PLPP3: variants seen among roughly 807,000 people sequenced by gnomAD.
PLPP3 encodes PAP2 beta.
In PLPP3, 6 loss-of-function variants were observed where a neutral mutation model predicts 29.6. That is an observed-to-expected ratio of 0.20 (90% CI 0.11 to 0.40). PLPP3 has a LOEUF of 0.40. Among genes scored for constraint, PLPP3 ranks in the 10% least tolerant of loss-of-function variants. PLPP3 has a pLI of 1.00. For missense variants in PLPP3, 308 were observed against 407.7 expected (o/e 0.76, Z 2.11); for synonymous variants, 152 against 159.7 (o/e 0.95, Z 0.36).
At chr1:56,535,982 C>T (rs188238160) in intron 2 of PLPP3, among the ~76,000 whole-genome samples, 18 of 152,278 alleles carry the variant, frequency 1.2e-4, no homozygotes, top group African/African-American at 3.4e-4. Context: ...CACATAGCTA[C>T]GAGAGGCTCT....
chr1:56,528,860 G>T (rs1645869399), intron 2 of PLPP3, among the ~76,000 whole-genome samples: 1 of 149,130 alleles, frequency 6.7e-6, no homozygotes, highest in South Asian at 2.2e-4. Context: ...AGCAGATCAA[G>T]ACAGAAGCAA....
intron 1 of PLPP3, among the ~76,000 whole-genome samples, chr1:56,545,432 A>G (rs1645998077): frequency 6.6e-6 from 1 of 152,196 alleles, no homozygotes; most frequent in Non-Finnish European, 1.5e-5. Context: ...TCCAAAGCTC[A>G]TGCAAGTAGC....
At chr1:56,569,963 A>C (rs1460193955) in intron 1 of PLPP3, among the ~76,000 whole-genome samples, 2 of 152,018 alleles carry the variant, frequency 1.3e-5, no homozygotes, top group African/African-American at 4.8e-5. Flanking sequence ...ATCACTCTTC[A>C]CTGTGCTGCT....
At position 56,496,165 on chromosome 1, in the gene PLPP3, G is replaced by A. The variant is rs569052073; in HGVS notation, c.*386C>T. 2.2e-5 allele frequency: 4 copies of A among 180,108 alleles called. 1 individual carries two copies. The South Asian group carries it at 4.2e-4, about 19-fold the overall frequency. 11.2% of individuals were successfully genotyped at this position (180,108 alleles called of 1,614,324 possible). A position where few individuals can be genotyped will look rare whatever the true frequency, so the allele number is the denominator to read the frequency against. On this transcript the variant is annotated 3_prime_UTR_variant, in exon 6 of 6. Coordinates refer to ENST00000371250, the MANE Select transcript of PLPP3 (RefSeq NM_003713.5). ...GCAATGGCTATTTTCTTGATTCAGT[G>A]CTATTTCTGGCATCATGTGCTGCAA...
intron 2 of PLPP3, among the ~76,000 whole-genome samples, chr1:56,533,030 T>C (rs1645900684): frequency 6.6e-6 from 1 of 151,584 alleles, no homozygotes; most frequent in Admixed American, 6.6e-5. Context: ...CCTGGCCCCG[T>C]CTTCCAGCAA....
In PLPP3 at chr1:56,506,123, G is replaced by C. The variant is rs139564250; in HGVS notation, c.810+5853C>G. 2.0e-3 allele frequency among the ~76,000 whole-genome samples: 307 copies of C among 152,282 alleles called. 3 individuals are homozygous for C. The highest frequency in any genetic ancestry group is 2.5e-3 in the Non-Finnish European group (172 of 68,028). On this transcript the variant is annotated intron_variant, in intron 5 of 5. Transcript: ENST00000371250. ...ATTCCCCTGTGCCCAGGCAGCCCTG[G>C]AGTAAATCAGAAGGGAATAGATGGG...
At chr1:56,537,915 A>C (rs567195137) in intron 1 of PLPP3, among the ~76,000 whole-genome samples, 1 of 152,290 alleles carries the variant, frequency 6.6e-6, no homozygotes, top group South Asian at 2.1e-4. Flanking sequence ...TATTCTCTCA[A>C]AGGTCATGGC....
intron 1 of PLPP3, among the ~76,000 whole-genome samples, chr1:56,567,398 T>C (rs1443936872): frequency 5.6e-5 from 6 of 107,574 alleles, no homozygotes; most frequent in African/African-American, 1.7e-4. Flanking sequence ...TATTTCTTTT[T>C]TTTTTTTTTT....
At chr1:56,509,237 T>C (rs534741167) in intron 5 of PLPP3, among the ~76,000 whole-genome samples, 1 of 152,300 alleles carries the variant, frequency 6.6e-6, no homozygotes, top group South Asian at 2.1e-4. Flanking sequence ...CATCTTTACA[T>C]TGTAAATCAG....
chr1:56,505,098 A>T (rs1645693669), intron 5 of PLPP3, among the ~76,000 whole-genome samples: 1 of 152,214 alleles, frequency 6.6e-6, no homozygotes, highest in South Asian at 2.1e-4. Context: ...GATGGCGGTC[A>T]AGTCTTGGAA....
Position 56,496,533 on chromosome 1 carries a change from T to C in PLPP3, c.*18A>G. On this transcript the variant is annotated 3_prime_UTR_variant, in exon 6 of 6. Coordinates refer to ENST00000371250, the MANE Select transcript of PLPP3 (RefSeq NM_003713.5). ...TCAGCAGTCATTTTACAAAAACAGC[T>C]CAGGAGGTGGGTGGCACCTACATCA... The C allele has an allele frequency of 6.2e-7, 1 of 1,613,306 alleles. No homozygotes were observed. The highest frequency in any genetic ancestry group is 8.5e-7 in the Non-Finnish European group (1 of 1,179,474).
chr1:56,540,124 A>T (rs1348824835), intron 1 of PLPP3, among the ~76,000 whole-genome samples: 1 of 152,188 alleles, frequency 6.6e-6, no homozygotes, highest in East Asian at 1.9e-4. Flanking sequence ...CTACTACTTG[A>T]GTAAGTTATT....
chr1:56,542,237 G>A (rs955589193), intron 1 of PLPP3, among the ~76,000 whole-genome samples: 3 of 152,108 alleles, frequency 2.0e-5, no homozygotes, highest in Non-Finnish European at 4.4e-5. Context: ...GGGTGGTTTG[G>A]GGGTGGAGTG....
Position 56,530,110 on chromosome 1 carries a change from C to CTT in PLPP3, c.298-5558_298-5557dup, listed in dbSNP as rs77142253. Among the ~76,000 whole-genome samples, 24 of 142,446 alleles carry CTT rather than the reference C, an allele frequency of 1.7e-4. 1 individual carries two copies. Among genetic ancestry groups the CTT allele is most frequent in the African/African-American group, 6.1e-4 (24 of 39,100 alleles). The allele number at this position is 142,446 out of a possible 152,430, so 93.5% of individuals were successfully genotyped here. ...GCATTGCCTACTGCAACCTCTTACTCTTTTTTTTTTTTTTTACCTTGAATT... is the reference window on the plus strand; with the variant it reads ...GCATTGCCTACTGCAACCTCTTACTCTTTTTTTTTTTTTTTTTACCTTGAATT... On this transcript the variant is annotated intron_variant, in intron 2 of 5. Coordinates refer to ENST00000371250, the MANE Select transcript of PLPP3 (RefSeq NM_003713.5).
At chr1:56,577,193 T>A (rs1441796558) in intron 1 of PLPP3, among the ~76,000 whole-genome samples, 1 of 152,164 alleles carries the variant, frequency 6.6e-6, no homozygotes, top group Non-Finnish European at 1.5e-5. Flanking sequence ...TTCCTTGTAC[T>A]CCCCTGGGAC....
intron 1 of PLPP3, among the ~76,000 whole-genome samples, chr1:56,566,232 T>A (rs1646161166): frequency 6.6e-6 from 1 of 152,174 alleles, no homozygotes; most frequent in South Asian, 2.1e-4. Context: ...GGGTTGCCAA[T>A]GCGAAAGCCA....
At chr1:56,518,411 C>T (rs1019290323) in intron 4 of PLPP3, among the ~76,000 whole-genome samples, 1 of 151,736 alleles carries the variant, frequency 6.6e-6, no homozygotes, top group South Asian at 2.1e-4. Flanking sequence ...TCTCCTGGGA[C>T]AGCACAGTAA....
At chr1:56,507,253 A>G (rs1256424091) in intron 5 of PLPP3, among the ~76,000 whole-genome samples, 1 of 152,204 alleles carries the variant, frequency 6.6e-6, no homozygotes, top group Non-Finnish European at 1.5e-5. Flanking sequence ...CAGTTACTAC[A>G]AAGTCAGCTG....
chr1:56,566,142 A>G (rs769098581), intron 1 of PLPP3, among the ~76,000 whole-genome samples: 1 of 152,226 alleles, frequency 6.6e-6, no homozygotes, highest in Non-Finnish European at 1.5e-5. Context: ...AAAATAGCAG[A>G]GGATGCCCCA....
Sources: allele counts gnomAD v4.1 joint callset (sites outside exome capture counted in the v4.1 genomes callset), GRCh38; gene constraint gnomAD v4.1.1; transcripts MANE v1.5; gene names NCBI Gene and HGNC (gene_info 2026-07-23, HGNC 2026-07-21).